XRN2: variants seen among roughly 807,000 people sequenced by gnomAD.
XRN2 encodes 5'-3' exoribonuclease 2, also known as DHM1-like protein.
Under a neutral mutation model 138.5 loss-of-function variants are expected in XRN2, and 44 were observed. The observed-to-expected ratio is 0.32, with a 90% confidence interval of 0.25 to 0.41. The LOEUF (loss-of-function observed/expected upper bound fraction) is 0.41, where lower values mean the gene tolerates loss of function less well. XRN2 is among the 10% of genes least tolerant of loss of function. The pLI is 1.00. For missense variants in XRN2, 937 were observed against 1,169.3 expected (o/e 0.80, Z 2.90); for synonymous variants, 354 against 369.4 (o/e 0.96, Z 0.48).
At chr20:21,345,480 C>T (rs2038424689) in intron 16 of XRN2, among the ~76,000 whole-genome samples, 1 of 152,092 alleles carries the variant, frequency 6.6e-6, no homozygotes, top group Non-Finnish European at 1.5e-5. Flanking sequence ...TGAAACATGA[C>T]TGCAATTAAT....
intron 1 of XRN2, among the ~76,000 whole-genome samples, chr20:21,317,767 CTG>C (rs1474274509): frequency 6.6e-6 from 1 of 152,162 alleles, no homozygotes; most frequent in Admixed American, 6.5e-5. Context: ...ACCAACGCAA[CTG>C]TCCATTTTTT....
intron 15 of XRN2, among the ~76,000 whole-genome samples, chr20:21,341,917 C>G (rs1051434818): frequency 2.0e-5 from 3 of 152,014 alleles, no homozygotes; most frequent in African/African-American, 7.3e-5. Flanking sequence ...CTTCAGGAAG[C>G]ATTCCAGTAT....
intron 1 of XRN2, among the ~76,000 whole-genome samples, chr20:21,313,416 T>G (rs2122168284): frequency 6.6e-6 from 1 of 152,340 alleles, no homozygotes; most frequent in East Asian, 1.9e-4. Context: ...AGTACCATGA[T>G]TATTAATTTT....
Position 21,356,159 on chromosome 20 carries a change from C to T in XRN2, c.2100C>T (p.Tyr700=). 6.2e-7 allele frequency: 1 copy of T among 1,610,050 alleles called. No individual in the cohort carries two copies. Among genetic ancestry groups the T allele is most frequent in the Non-Finnish European group, 8.5e-7 (1 of 1,178,236 alleles). The change falls in exon 22 of 30, where the codon TAC becomes TAT. Residue 700 remains tyrosine (Y), a synonymous_variant. Transcript: ENST00000377191. The part of the protein sequence containing the change: ...HPLHDFILEL[Y]QTGSTEPVEV... ...TCCATGACTTCATTTTAGAGCTGTACCAGACAGGTTCCACAGAGGTATGTT... is the reference window on the plus strand; with the variant it reads ...TCCATGACTTCATTTTAGAGCTGTATCAGACAGGTTCCACAGAGGTATGTT...
chr20:21,320,322 C>T (rs890579596), intron 1 of XRN2, among the ~76,000 whole-genome samples: 18 of 54,860 alleles, frequency 3.3e-4, no homozygotes, highest in African/African-American at 6.0e-4. Context: ...TATTTTGAGA[C>T]GGAGTCTTGC....
chr20:21,362,930 C>T (rs916313476), intron 24 of XRN2, among the ~76,000 whole-genome samples: 3 of 152,096 alleles, frequency 2.0e-5, no homozygotes, highest in Admixed American at 2.0e-4. Context: ...CTCCCACATC[C>T]CCATTGAGAA....
At chr20:21,383,968 C>G (rs1228295600) in intron 28 of XRN2, among the ~76,000 whole-genome samples, 1 of 152,108 alleles carries the variant, frequency 6.6e-6, no homozygotes, top group African/African-American at 2.4e-5. Context: ...GTTCCAGAAC[C>G]AGGTTTTACC....
At chr20:21,357,444 T>C (rs765933612) in intron 23 of XRN2, among the ~76,000 whole-genome samples, 14 of 152,212 alleles carry the variant, frequency 9.2e-5, no homozygotes, top group Admixed American at 2.6e-4. Flanking sequence ...CAAACCCTTG[T>C]CACAGCTTTA....
In XRN2 at chr20:21,387,017, G is replaced by A. The variant is rs1288036366; in HGVS notation, c.2787+11G>A. The stretch of plus-strand genomic sequence containing the variant: ...CGTGGAGGGAGACAGGTAAATGGTT[G>A]TGGGATGAAAAGTATACTGCTCACT... On this transcript the variant is annotated intron_variant, in intron 29 of 29. Transcript: ENST00000377191. The A allele has an allele frequency of 6.2e-7, 1 of 1,602,720 alleles. No homozygotes were observed. The highest frequency in any genetic ancestry group is 8.5e-7 in the Non-Finnish European group (1 of 1,170,730).
At chr20:21,382,348 G>C (rs1198630176) in intron 28 of XRN2, among the ~76,000 whole-genome samples, 2 of 152,202 alleles carry the variant, frequency 1.3e-5, no homozygotes, top group African/African-American at 2.4e-5. Context: ...GTTTTGGTCA[G>C]GCTAAACAAA....
chr20:21,389,794 TA>T lies in XRN2; in HGVS notation c.*465del, dbSNP rs201924809. The T allele has an allele frequency of 2.6e-5, 4 of 152,202 alleles. No homozygotes were observed. The highest frequency in any genetic ancestry group is 6.6e-5 in the Admixed American group (1 of 15,214). 9.4% of individuals were successfully genotyped at this position (152,202 alleles called of 1,614,324 possible). ...TCTTACAGAAATTTCTGAACTTTAG[TA>T]AAAAAAAATAAAGTTAAACTTTTAA... On this transcript the variant is annotated 3_prime_UTR_variant, in exon 30 of 30. Coordinates refer to ENST00000377191, the MANE Select transcript of XRN2 (RefSeq NM_012255.5).
chr20:21,307,455 TC>T lies in XRN2; in HGVS notation c.75+3987del, dbSNP rs2037822730. ...TCATTCTCTGGCTTTCCTTGAAACC[TC>T]CCCCAACCTTTGGTGTTTTTGCAGC... On this transcript the variant is annotated intron_variant, in intron 1 of 29. Coordinates refer to ENST00000377191, the MANE Select transcript of XRN2 (RefSeq NM_012255.5). Among the ~76,000 whole-genome samples, 6 of 76,484 alleles carry T rather than the reference TC, an allele frequency of 7.8e-5. 2 individuals carry two copies. The highest frequency in any genetic ancestry group is 1.8e-4 in the Non-Finnish European group (6 of 32,558). 50.2% of individuals were successfully genotyped at this position (76,484 alleles called of 152,430 possible). A position where few individuals can be genotyped will look rare whatever the true frequency, so the allele number is the denominator to read the frequency against.
At chr20:21,350,385 G>A (rs1568585383) in intron 20 of XRN2, among the ~76,000 whole-genome samples, 1 of 151,862 alleles carries the variant, frequency 6.6e-6, no homozygotes, top group Non-Finnish European at 1.5e-5. Flanking sequence ...AATTAGCCTG[G>A]TGTGGTGGCG....
chr20:21,374,346 A>G (rs2038795155), intron 27 of XRN2, among the ~76,000 whole-genome samples: 1 of 152,024 alleles, frequency 6.6e-6, no homozygotes, highest in South Asian at 2.1e-4. Context: ...ACAAGCTAGG[A>G]CCTCTCATAA....
At chr20:21,375,066 A>G (rs1225890514) in intron 27 of XRN2, among the ~76,000 whole-genome samples, 5 of 137,458 alleles carry the variant, frequency 3.6e-5, no homozygotes, top group Non-Finnish European at 7.7e-5. Flanking sequence ...AAAATTTCAA[A>G]TTTATTGCCA....
intron 21 of XRN2, among the ~76,000 whole-genome samples, chr20:21,355,562 C>T (rs2038565702): frequency 6.6e-6 from 1 of 151,936 alleles, no homozygotes; most frequent in Non-Finnish European, 1.5e-5. Flanking sequence ...AAATATTGCC[C>T]TTTATCTTGC....
At chr20:21,312,969 A>G (rs921074703) in intron 1 of XRN2, among the ~76,000 whole-genome samples, 1 of 152,160 alleles carries the variant, frequency 6.6e-6, no homozygotes, top group South Asian at 2.1e-4. Flanking sequence ...GGCCCTCAGA[A>G]CCAGAAGAGG....
At chr20:21,379,617 TAGAG>T (rs1301821021) in intron 27 of XRN2, among the ~76,000 whole-genome samples, 2 of 152,122 alleles carry the variant, frequency 1.3e-5, no homozygotes, top group Non-Finnish European at 2.9e-5. Context: ...AAATGGAAAA[TAGAG>T]AGGCACCTGG....
intron 24 of XRN2, among the ~76,000 whole-genome samples, chr20:21,360,946 A>G (rs1255987194): frequency 3.3e-5 from 5 of 152,334 alleles, no homozygotes; most frequent in Non-Finnish European, 4.4e-5. Flanking sequence ...CTGCAAGAAC[A>G]GTTTGCCTTT....
Sources: allele counts gnomAD v4.1 joint callset (sites outside exome capture counted in the v4.1 genomes callset), GRCh38; gene constraint gnomAD v4.1.1; transcripts MANE v1.5; gene names NCBI Gene and HGNC (gene_info 2026-07-23, HGNC 2026-07-21).